Variants in TMEM50A observed in about 807,000 individuals in gnomAD.
TMEM50A encodes the protein cervical cancer oncogene 9.
Under a neutral mutation model 23.9 loss-of-function variants are expected in TMEM50A, and 8 were observed. That is an observed-to-expected ratio of 0.33 (90% CI 0.20 to 0.60). TMEM50A has a LOEUF of 0.60. TMEM50A is among the 20% of genes least tolerant of loss of function. The pLI, the probability that TMEM50A is intolerant of heterozygous loss-of-function variation, is 0.81. For missense variants in TMEM50A, 178 were observed against 192.7 expected (o/e 0.92, Z 0.45); for synonymous variants, 55 against 60.4 (o/e 0.91, Z 0.41).
intron 5 of TMEM50A, among the ~76,000 whole-genome samples, chr1:25,356,255 G>T (rs3093631): frequency 0.043 from 6,554 of 152,196 alleles, 437 homozygotes; most frequent in African/African-American, 0.14. Flanking sequence ...GGTCTCTGCT[G>T]CCCAGTTGCC....
intron 5 of TMEM50A, among the ~76,000 whole-genome samples, chr1:25,353,958 A>T (rs1158215397): frequency 6.6e-6 from 1 of 152,104 alleles, no homozygotes; most frequent in Non-Finnish European, 1.5e-5. Context: ...AGTAATAGAT[A>T]TTTCCAAATA....
At chr1:25,343,142 G>C (rs1439902680) in intron 3 of TMEM50A, 69 bp downstream of exon 3, 1 of 1,223,948 alleles carries the variant, frequency 8.2e-7, no homozygotes, top group Non-Finnish European at 1.2e-6. Context: ...AAATATAGTT[G>C]CATAGATTTA....
At chr1:25,350,395 AT>A (rs886586852) in intron 3 of TMEM50A, among the ~76,000 whole-genome samples, 8 of 149,258 alleles carry the variant, frequency 5.4e-5, no homozygotes, top group Non-Finnish European at 7.5e-5. Flanking sequence ...TTTGTTCCCG[AT>A]TTTTTTTTTA....
chr1:25,345,921 T>C (rs914840364), intron 3 of TMEM50A, among the ~76,000 whole-genome samples: 15 of 151,674 alleles, frequency 9.9e-5, no homozygotes, highest in African/African-American at 3.4e-4. Flanking sequence ...CCCAAGTAGC[T>C]GGGATTACAG....
intron 1 of TMEM50A, 142 bp from the exon 2 acceptor site, chr1:25,340,332 A>G: frequency 3.6e-6 from 2 of 562,694 alleles, no homozygotes; most frequent in Non-Finnish European, 6.2e-6. Flanking sequence ...TAAATCAAAT[A>G]TTCTGAAGAA....
chr1:25,352,936 C>A lies in TMEM50A; in HGVS notation c.329C>A (p.Ala110Glu). ...GFMLAFGSLIASMWILFGGYV... is the reference protein window; with the variant it reads ...GFMLAFGSLIESMWILFGGYV... The stretch of plus-strand genomic sequence containing the variant: ...ATGTTGGCCTTTGGATCTCTGATTG[C>A]ATCTATGTGGATTCTTTTTGGAGGT... The change falls in exon 5 of 7, where the codon GCA becomes GAA. Residue 110 changes from alanine to glutamate, a missense_variant. Physicochemically the swap from Ala to Glu is moderately radical, Grantham distance 107. Coordinates refer to ENST00000374358, the MANE Select transcript of TMEM50A (RefSeq NM_014313.4). The A allele has an allele frequency of 6.2e-7, 1 of 1,613,848 alleles. No homozygotes were observed. The highest frequency in any genetic ancestry group is 8.5e-7 in the Non-Finnish European group (1 of 1,179,912).
intron 3 of TMEM50A, among the ~76,000 whole-genome samples, chr1:25,345,467 C>T (rs1374295103): frequency 6.6e-6 from 1 of 152,194 alleles, no homozygotes; most frequent in East Asian, 1.9e-4. Context: ...GTGGTCCCAG[C>T]TACTCGGGAG....
At chr1:25,345,368 C>T (rs944713424) in intron 3 of TMEM50A, among the ~76,000 whole-genome samples, 7 of 152,178 alleles carry the variant, frequency 4.6e-5, no homozygotes, top group African/African-American at 9.6e-5. Context: ...ATCACGAAGT[C>T]AGGAGATCGA....
At chr1:25,342,919 C>G in intron 2 of TMEM50A, 42 bp from the exon 3 acceptor site, 2 of 1,536,418 alleles carry the variant, frequency 1.3e-6, no homozygotes, top group Non-Finnish European at 1.8e-6. Context: ...CAGTGAGATA[C>G]AGAATTGCTA....
At chr1:25,352,656 T>G (rs1285341594) in intron 4 of TMEM50A, among the ~76,000 whole-genome samples, 1 of 152,100 alleles carries the variant, frequency 6.6e-6, no homozygotes, top group Non-Finnish European at 1.5e-5. Context: ...TATATGCACT[T>G]ATACAGACTC....
intron 5 of TMEM50A, among the ~76,000 whole-genome samples, chr1:25,355,944 T>C (rs982795381): frequency 3.3e-5 from 5 of 152,204 alleles, no homozygotes; most frequent in Non-Finnish European, 7.3e-5. Flanking sequence ...CCACGCCCCA[T>C]ATCCAATCTA....
chr1:25,348,716 CAAA>C (rs1285653149), intron 3 of TMEM50A, among the ~76,000 whole-genome samples: 2 of 151,402 alleles, frequency 1.3e-5, no homozygotes, highest in African/African-American at 4.9e-5. Context: ...TGCCAATAAG[CAAA>C]AACGAAGTTG....
chr1:25,340,587 T>G lies in TMEM50A; in HGVS notation c.93+8T>G. 6.2e-7 allele frequency: 1 copy of G among 1,607,328 alleles called. No individual in the cohort carries two copies. The highest frequency in any genetic ancestry group is 8.5e-7 in the Non-Finnish European group (1 of 1,176,660). On this transcript the variant is annotated splice_region_variant and intron_variant, in intron 2 of 6. Coordinates refer to ENST00000374358, the MANE Select transcript of TMEM50A (RefSeq NM_014313.4). ...ATTGCTGCTGGTGTACTAGTAAGTG[T>G]CATTGATTATTTGGGCCTTATTTTT...
intron 5 of TMEM50A, among the ~76,000 whole-genome samples, chr1:25,354,038 C>A (rs1645307139): frequency 6.6e-6 from 1 of 152,108 alleles, no homozygotes; most frequent in East Asian, 1.9e-4. Context: ...GTCACCCAGG[C>A]TGGAATGCAG....
intron 5 of TMEM50A, among the ~76,000 whole-genome samples, chr1:25,354,205 G>A (rs1408291190): frequency 7.9e-5 from 12 of 152,092 alleles, no homozygotes; most frequent in Non-Finnish European, 1.5e-5. Flanking sequence ...GCCCAGGCTG[G>A]TCTCAAACTC....
chr1:25,360,365 A>T (rs919144141), intron 6 of TMEM50A, among the ~76,000 whole-genome samples: 1 of 151,346 alleles, frequency 6.6e-6, no homozygotes, highest in Non-Finnish European at 1.5e-5. Flanking sequence ...AAAAAAAAAA[A>T]TCAGACATAT....
chr1:25,359,355 C>A (rs1312797707), intron 6 of TMEM50A, among the ~76,000 whole-genome samples: 2 of 152,122 alleles, frequency 1.3e-5, no homozygotes, highest in Non-Finnish European at 2.9e-5. Flanking sequence ...TGCGCTCTTG[C>A]CTCTTTTAAA....
intron 2 of TMEM50A, 59 bp downstream of exon 2, chr1:25,340,638 G>T (rs1645158236): frequency 2.4e-6 from 3 of 1,268,486 alleles, no homozygotes; most frequent in South Asian, 2.5e-5. Context: ...TATGGGTTTT[G>T]AATTCTGCAG....
intron 2 of TMEM50A, among the ~76,000 whole-genome samples, chr1:25,341,177 C>T (rs3093645): frequency 3.6e-3 from 552 of 152,164 alleles, no homozygotes; most frequent in African/African-American, 0.013. Context: ...CATATGGTGT[C>T]GTAGGCTCTA....
Sources: allele counts gnomAD v4.1 joint callset (sites outside exome capture counted in the v4.1 genomes callset), GRCh38; gene constraint gnomAD v4.1.1; transcripts MANE v1.5; gene names NCBI Gene and HGNC (gene_info 2026-07-23, HGNC 2026-07-21).